NDUFAF6: variants seen among roughly 807,000 people sequenced by gnomAD.
NDUFAF6 encodes NADH dehydrogenase (ubiquinone) complex I, assembly factor 6.
A neutral mutation model predicts 40.8 loss-of-function variants in NDUFAF6; 45 were observed. The ratio of observed to expected loss-of-function variants is 1.10; its 90% confidence interval spans 0.87 to 1.42. The LOEUF (loss-of-function observed/expected upper bound fraction) is 1.42, where lower values mean the gene tolerates loss of function less well. NDUFAF6 is among the 40% of genes most tolerant of loss of function. NDUFAF6 has a pLI of 0.00. For missense variants in NDUFAF6, 435 were observed against 418.5 expected, an observed-to-expected ratio of 1.04 and a Z score of -0.34; for synonymous variants, 185 against 155.9, an observed-to-expected ratio of 1.19 and a Z score of -1.39.
intron 2 of NDUFAF6, among the ~76,000 whole-genome samples, chr8:94,997,267 T>A (rs1826473238): frequency 7.3e-6 from 1 of 136,296 alleles, no homozygotes; most frequent in Admixed American, 8.1e-5. Context: ...AGGATTTCAG[T>A]AGGCACTTAA....
intron 1 of NDUFAF6, among the ~76,000 whole-genome samples, chr8:94,973,998 T>G (rs1824711141): frequency 6.6e-6 from 1 of 151,958 alleles, no homozygotes; most frequent in Admixed American, 6.6e-5. Flanking sequence ...CTGAACCAAC[T>G]AAGATAAGGG....
intron 1 of NDUFAF6, chr8:94,930,349 A>G (rs1412064574): frequency 7.6e-7 from 1 of 1,309,726 alleles, no homozygotes; most frequent in African/African-American, 1.5e-5. Flanking sequence ...ATAGTGTCTA[A>G]ATACACTGAT....
chr8:94,955,241 G>A (rs571039377), upstream of NDUFAF6, among the ~76,000 whole-genome samples: 1 of 152,200 alleles, frequency 6.6e-6, no homozygotes, highest in Non-Finnish European at 1.5e-5. Flanking sequence ...CTGAGAATGG[G>A]TAACTCATAA....
intron 1 of NDUFAF6, among the ~76,000 whole-genome samples, chr8:94,963,317 T>C (rs6993278): frequency 0.64 from 96,915 of 152,042 alleles, 32,092 homozygotes; most frequent in East Asian, 0.78. Flanking sequence ...AATGAAGCAG[T>C]GGTCCTGCCC....
chr8:95,024,689 T>C (rs1264033204), upstream of NDUFAF6, among the ~76,000 whole-genome samples: 1 of 152,030 alleles, frequency 6.6e-6, no homozygotes, highest in Non-Finnish European at 1.5e-5. Context: ...GGGCGTGATT[T>C]TGGCAGCTAC....
At chr8:95,081,245 A>G (rs1044995412) in intron 2 of NDUFAF6, among the ~76,000 whole-genome samples, 4 of 128,154 alleles carry the variant, frequency 3.1e-5, no homozygotes, top group Admixed American at 2.0e-4. Context: ...GCTCACTATA[A>G]CCTCTGCCTC....
rs28581770 is a variant in NDUFAF6 at position 95,052,424 on chromosome 8, G to A, written c.873+194G>A. Among the ~76,000 whole-genome samples, 1,077 of 152,262 alleles carry A rather than the reference G, an allele frequency of 7.1e-3. 14 individuals are homozygous for A. The highest frequency in any genetic ancestry group is 0.024 in the African/African-American group (1,005 of 41,544). On this transcript the variant is annotated intron_variant, in intron 8 of 8. Coordinates refer to ENST00000396124, the MANE Select transcript of NDUFAF6 (RefSeq NM_152416.4). ...TTCTGTATTTCTCAGAGGCAGGTGA[G>A]CTGAGTTTTTAGCACGGACTTTGCA...
At chr8:95,111,122 C>T (rs546466140) in intron 4 of NDUFAF6, among the ~76,000 whole-genome samples, 3 of 152,066 alleles carry the variant, frequency 2.0e-5, no homozygotes, top group African/African-American at 4.8e-5. Context: ...GGGTAGCCAG[C>T]GAACTCAAGA....
intron 1 of NDUFAF6, chr8:94,939,928 A>G (rs760078629): frequency 6.2e-7 from 1 of 1,614,194 alleles, no homozygotes; most frequent in South Asian, 1.1e-5. Context: ...GGCAGGAGTT[A>G]TGCACAGCAT....
intron 1 of NDUFAF6, among the ~76,000 whole-genome samples, chr8:94,932,992 G>A (rs1345398293): frequency 3.3e-5 from 5 of 152,078 alleles, no homozygotes; most frequent in East Asian, 1.9e-4. Context: ...CAAGGTGGGC[G>A]GATCACTTGA....
intron 1 of NDUFAF6, among the ~76,000 whole-genome samples, chr8:94,907,965 A>C (rs7015841): frequency 0.61 from 93,150 of 152,040 alleles, 29,450 homozygotes; most frequent in East Asian, 0.79. Context: ...GCTGGCCCCT[A>C]TGTATTGGGT....
chr8:94,971,925 C>T (rs1321127227), intron 1 of NDUFAF6, among the ~76,000 whole-genome samples: 8 of 147,590 alleles, frequency 5.4e-5, no homozygotes, highest in Non-Finnish European at 1.0e-4. Context: ...GCAACAAGAG[C>T]GGAAAAAAAA....
chr8:95,068,734 G>A (rs1377993455), intron 9 of NDUFAF6: 1 of 151,828 alleles, frequency 6.6e-6, no homozygotes, highest in Non-Finnish European at 1.5e-5. Flanking sequence ...ATGTCCTTGC[G>A]TTCTGCGAGC....
chr8:94,957,206 T>C (rs1823159384), upstream of NDUFAF6, among the ~76,000 whole-genome samples: 1 of 151,998 alleles, frequency 6.6e-6, no homozygotes, highest in Non-Finnish European at 1.5e-5. Flanking sequence ...AAAGAAAGGA[T>C]GAGGGACACA....
chr8:95,073,773 GGGAGCT>G (rs1445105030), intron 9 of NDUFAF6, among the ~76,000 whole-genome samples: 28 of 152,266 alleles, frequency 1.8e-4, no homozygotes, highest in African/African-American at 6.0e-4. Context: ...CCACGGTGTG[GGGAGCT>G]CTCTCCAGAG....
At chr8:95,040,074 T>G (rs1408477460) in intron 3 of NDUFAF6, among the ~76,000 whole-genome samples, 4 of 152,272 alleles carry the variant, frequency 2.6e-5, no homozygotes, top group Non-Finnish European at 5.9e-5. Flanking sequence ...TTGGGTCATG[T>G]ACTTAATTGT....
At chr8:94,927,052 C>T (rs1481871730) in intron 1 of NDUFAF6, 3 of 152,438 alleles carry the variant, frequency 2.0e-5, no homozygotes, top group African/African-American at 7.2e-5. Flanking sequence ...CAAACATATA[C>T]TACTAGTGTC....
chr8:94,995,748 C>G (rs1826399229), intron 2 of NDUFAF6, among the ~76,000 whole-genome samples: 1 of 152,204 alleles, frequency 6.6e-6, no homozygotes. Flanking sequence ...GATCTCTGGC[C>G]CTGACTTCCC....
chr8:94,938,249 C>A (rs1410244539), intron 1 of NDUFAF6, among the ~76,000 whole-genome samples: 1 of 152,152 alleles, frequency 6.6e-6, no homozygotes, highest in Non-Finnish European at 1.5e-5. Context: ...TCATACAGTA[C>A]GATGATGGAT....
Sources: gnomAD v4.1 joint callset for allele counts (sites outside exome capture counted in the v4.1 genomes callset) on GRCh38, gnomAD v4.1.1 for gene constraint, MANE v1.5 for transcripts, NCBI Gene and HGNC (gene_info 2026-07-23, HGNC 2026-07-21) for gene names.